Variants in DOCK9 observed in about 807,000 individuals in gnomAD.
DOCK9 encodes the protein dedicator of cytokinesis 9.
Under a neutral mutation model 263.3 loss-of-function variants are expected in DOCK9, and 89 were observed. The ratio of observed to expected loss-of-function variants is 0.34; its 90% CI spans 0.28 to 0.40. The LOEUF is 0.40. Among genes scored for constraint, DOCK9 ranks in the 10% least tolerant of loss-of-function variants. The probability of loss-of-function intolerance (pLI) is 1.00; values close to 1 mark genes in which losing one functional copy is unlikely to be tolerated. For synonymous variants in DOCK9, 976 were observed against 973.1 expected (o/e 1.00, Z -0.06); for missense variants, 2,140 against 2,603.4 (o/e 0.82, Z 3.87).
chr13:99,053,353 T>C (rs769175004), intron 1 of DOCK9, among the ~76,000 whole-genome samples: 1 of 152,220 alleles, frequency 6.6e-6, no homozygotes, highest in Admixed American at 6.5e-5. Flanking sequence ...TAATTTCCCA[T>C]GCAAATCACG....
chr13:98,924,276 A>G (rs1185756704), intron 4 of DOCK9, among the ~76,000 whole-genome samples: 1 of 152,234 alleles, frequency 6.6e-6, no homozygotes, highest in African/African-American at 2.4e-5. Flanking sequence ...TTGGCCGAAC[A>G]TTCTTAAGGA....
At chr13:99,087,624 TTCTG>T (rs538432241), upstream of DOCK9, among the ~76,000 whole-genome samples, 414 of 152,244 alleles carry the variant, frequency 2.7e-3, 2 homozygotes, top group African/African-American at 9.1e-3. Flanking sequence ...CCGGCTCCGT[TTCTG>T]TCTCTCTGAG....
chr13:98,865,400 T>C (rs9517469), intron 30 of DOCK9, among the ~76,000 whole-genome samples: 152,037 of 152,292 alleles, frequency 1, 75,897 homozygotes, highest in Middle Eastern at 1. Context: ...CCCAGTCTCA[T>C]GTATTCCTTT....
In DOCK9 at chr13:98,977,920, A is replaced by G. The variant is rs1875604066; in HGVS notation, c.-11T>C. ...TTTATCAGCCTGCATTCTCGGCTGAAAACGCAAGTCAGAAAGTCTGCAACT... is the reference window on the plus strand; with the variant it reads ...TTTATCAGCCTGCATTCTCGGCTGAGAACGCAAGTCAGAAAGTCTGCAACT... On this transcript the variant is annotated 5_prime_UTR_variant, in exon 1 of 53. Coordinates refer to ENST00000682017, the MANE Select transcript of DOCK9 (RefSeq NM_001366683.2). 1 of 1,573,236 alleles carries G rather than the reference A, an allele frequency of 6.4e-7. No individual in the cohort carries two copies.
chr13:98,962,428 ACT>A (rs2058733379), intron 1 of DOCK9, among the ~76,000 whole-genome samples: 1 of 152,152 alleles, frequency 6.6e-6, no homozygotes, highest in Non-Finnish European at 1.5e-5. Context: ...ACAAAACCTG[ACT>A]CTGCCCTGAT....
rs1024404148 is a variant in DOCK9, at chr13:99,055,791, T to G, written c.129+30432A>C. On this transcript the variant is annotated intron_variant, in intron 1 of 32. Transcript: ENST00000427887. ...AAGCCTGTACAGCCTTTCTCCAGCC[T>G]TAAATGAAGACAGACACTAGATACA... Among the ~76,000 whole-genome samples the G allele has an allele frequency of 5.9e-5, 9 of 151,752 alleles. 1 individual carries two copies. Among genetic ancestry groups the G allele is most frequent in the Admixed American group, 5.9e-4 (9 of 15,208 alleles).
chr13:98,836,188 G>A (rs537156593), intron 39 of DOCK9, among the ~76,000 whole-genome samples: 4 of 152,248 alleles, frequency 2.6e-5, no homozygotes, highest in African/African-American at 9.6e-5. Context: ...CCATGATACT[G>A]CTCTGCAGCT....
intron 50 of DOCK9, among the ~76,000 whole-genome samples, chr13:98,798,841 G>A (rs2089765255): frequency 6.6e-6 from 1 of 152,160 alleles, no homozygotes; most frequent in South Asian, 2.1e-4. Flanking sequence ...TTTTTAAGAT[G>A]ACTGGGAATT....
intron 1 of DOCK9, among the ~76,000 whole-genome samples, chr13:98,966,425 A>T (rs183384901): frequency 3.9e-5 from 6 of 152,382 alleles, no homozygotes; most frequent in Admixed American, 3.3e-4. Flanking sequence ...ACATGTGGAA[A>T]GAAATAAAAT....
chr13:98,902,412 A>C lies in DOCK9; in HGVS notation c.1256T>G (p.Leu419Arg). 1 of 1,614,028 alleles carries C rather than the reference A, an allele frequency of 6.2e-7. No individual in the cohort carries two copies. Among genetic ancestry groups the C allele is most frequent in the South Asian group, 1.1e-5 (1 of 91,070 alleles). ...CATTTGCCTCACTGAGAAATGGTTC[A>C]GGTCTACGTGGAAATCGGCAGAAAT... ...RKISADFHVDLNHFSVRQMLA... is the reference protein window; with the variant it reads ...RKISADFHVDRNHFSVRQMLA... The change falls in exon 12 of 53, where the codon CTG becomes CGG. Residue 419 changes from leucine to arginine, a missense_variant. By Grantham distance (102) the Leu-to-Arg change is moderately radical (BLOSUM62 -2). Transcript: ENST00000682017.
At chr13:98,957,336 T>C (rs1386138248) in intron 1 of DOCK9, among the ~76,000 whole-genome samples, 1 of 152,232 alleles carries the variant, frequency 6.6e-6, no homozygotes, top group Non-Finnish European at 1.5e-5. Flanking sequence ...CTTTGCCTAT[T>C]GCACATATAC....
chr13:98,916,471 T>C (rs1426697546), intron 7 of DOCK9, among the ~76,000 whole-genome samples: 1 of 152,176 alleles, frequency 6.6e-6, no homozygotes, highest in Non-Finnish European at 1.5e-5. Flanking sequence ...ACTAAAATCC[T>C]ACTGGGTTAT....
At chr13:98,879,386 C>T (rs2044383553) in intron 27 of DOCK9, among the ~76,000 whole-genome samples, 1 of 152,170 alleles carries the variant, frequency 6.6e-6, no homozygotes, top group Non-Finnish European at 1.5e-5. Context: ...TGGATAATCT[C>T]AGAGTCTGTT....
intron 1 of DOCK9, among the ~76,000 whole-genome samples, chr13:99,006,216 G>T (rs1016096432): frequency 9.2e-5 from 14 of 152,204 alleles, no homozygotes; most frequent in African/African-American, 2.7e-4. Flanking sequence ...TGGCAAAAAT[G>T]ATGCTAGCCA....
intron 1 of DOCK9, among the ~76,000 whole-genome samples, chr13:99,019,490 A>T (rs945782305): frequency 2.6e-5 from 4 of 152,126 alleles, no homozygotes; most frequent in Non-Finnish European, 4.4e-5. Context: ...AGGAAAGTCC[A>T]GGTGGCTCCC....
rs548466182 is a variant in DOCK9, at chr13:98,799,942, A to G, written c.5916+346T>C. Among the ~76,000 whole-genome samples the G allele has an allele frequency of 7.2e-5, 11 of 152,290 alleles. No individual in the cohort carries two copies. The East Asian group carries it at 1.9e-3, about 27-fold the overall frequency. On this transcript the variant is annotated intron_variant, in intron 50 of 52. Transcript: ENST00000682017. ...CAATTTTCATAGAAAACAGCAAACA[A>G]CAGTTTTATAGGAAAATCTACTGCT...
chr13:98,885,512 G>T, intron 20 of DOCK9, 196 bp downstream of exon 20: 1 of 526,556 alleles, frequency 1.9e-6, no homozygotes. Context: ...GGCTGAGGTG[G>T]AAGGACAGCT....
chr13:99,079,777 T>C (rs2042053957), intron 1 of DOCK9, among the ~76,000 whole-genome samples: 1 of 152,092 alleles, frequency 6.6e-6, no homozygotes, highest in South Asian at 2.1e-4. Context: ...TGGTGGCTCA[T>C]GCCTGTAATC....
intron 39 of DOCK9, chr13:98,832,012 T>C (rs1211519314): frequency 5.5e-6 from 3 of 541,636 alleles, no homozygotes; most frequent in Non-Finnish European, 9.6e-6. Flanking sequence ...CTAACAGAGT[T>C]GAAAGGAACA....
Sources: allele counts gnomAD v4.1 joint callset (sites outside exome capture counted in the v4.1 genomes callset), GRCh38; gene constraint gnomAD v4.1.1; transcripts MANE v1.5; gene names NCBI Gene and HGNC (gene_info 2026-07-23, HGNC 2026-07-21).